The following FKBP1B variants were observed in gnomAD, a reference collection of about 807,000 sequenced individuals.
FKBP1B encodes the protein peptidyl-prolyl cis-trans isomerase FKBP1B.
FKBP1B carries 4 observed loss-of-function variants against 13.5 expected under a neutral mutation model. The observed-to-expected ratio is 0.30, with a 90% CI of 0.15 to 0.68. FKBP1B has a LOEUF of 0.68. Ranked by LOEUF, FKBP1B falls within the 30% of genes least tolerant of loss-of-function variation. FKBP1B has a pLI of 0.76. For synonymous variants in FKBP1B, 54 were observed against 53.6 expected (o/e 1.01, Z -0.03); for missense variants, 93 against 136.2 (o/e 0.68, Z 1.58).
At chr2:24,041,556 C>T in the FKBP1B span, among the ~76,000 whole-genome samples, 1 of 151,992 alleles carries the variant, frequency 6.6e-6, no homozygotes, top group African/African-American at 2.4e-5. Flanking sequence ...GGCTCATAGG[C>T]ATGAGCCACC....
the FKBP1B span, chr2:24,037,938 G>A: frequency 6.8e-6 from 11 of 1,614,084 alleles, no homozygotes; most frequent in South Asian, 1.2e-4. Flanking sequence ...ATGCTGGCTG[G>A]GTAACAGGCT....
chr2:24,038,309 C>A, the FKBP1B span: 14 of 1,614,180 alleles, frequency 8.7e-6, no homozygotes, highest in Non-Finnish European at 1.2e-5. Context: ...AATAGTTGGT[C>A]TGTCAAGAAA....
At chr2:24,044,817 TAAAAAAAAAAA>T (rs747340836), upstream of FKBP1B, among the ~76,000 whole-genome samples, 2 of 103,928 alleles carry the variant, frequency 1.9e-5, no homozygotes, top group African/African-American at 7.2e-5. Flanking sequence ...GAATTATCTT[TAAAAAAAAAAA>T]AAAAAAAAAA....
chr2:24,049,737 C>A, upstream of FKBP1B: 1 of 830,208 alleles, frequency 1.2e-6, no homozygotes, highest in Non-Finnish European at 1.6e-6. Context: ...CCTCCTCCGG[C>A]TCTGCAGTGG....
the FKBP1B span, among the ~76,000 whole-genome samples, chr2:24,044,170 C>T: frequency 4.6e-5 from 7 of 152,004 alleles, no homozygotes; most frequent in African/African-American, 7.3e-5. Flanking sequence ...TTTTAGGATA[C>T]CAAATTCTGT....
upstream of FKBP1B, among the ~76,000 whole-genome samples, chr2:24,047,699 G>T (rs1448460608): frequency 2.0e-5 from 3 of 152,130 alleles, no homozygotes; most frequent in Admixed American, 1.3e-4. Flanking sequence ...AGGAGTCCAG[G>T]AGCCCTAGGA....
the FKBP1B span, chr2:24,037,612 C>T: frequency 1.4e-6 from 2 of 1,464,860 alleles, no homozygotes; most frequent in South Asian, 2.7e-5. Flanking sequence ...CAATACGTTT[C>T]TTGCAGTACT....
At chr2:24,059,378 G>C (rs1344364716) in intron 2 of FKBP1B, among the ~76,000 whole-genome samples, 3 of 151,914 alleles carry the variant, frequency 2.0e-5, no homozygotes, top group African/African-American at 7.3e-5. Context: ...CACCTGGGGG[G>C]GGGTTCTGGT....
chr2:24,034,191 C>T, the FKBP1B span, among the ~76,000 whole-genome samples: 4 of 152,026 alleles, frequency 2.6e-5, no homozygotes, highest in East Asian at 3.9e-4. Flanking sequence ...AAGGCCAAGG[C>T]GGGTGGATCA....
chr2:24,037,724 C>T, the FKBP1B span: 1 of 1,614,130 alleles, frequency 6.2e-7, no homozygotes, highest in South Asian at 1.1e-5. Flanking sequence ...AGTGGATACA[C>T]TGAAGAGGAT....
At chr2:24,048,784 AT>A (rs1663717084), upstream of FKBP1B, among the ~76,000 whole-genome samples, 1 of 152,156 alleles carries the variant, frequency 6.6e-6, no homozygotes, top group Admixed American at 6.5e-5. Flanking sequence ...TCAAAGTAGA[AT>A]TCATTTACAT....
At chr2:24,037,494 A>C in the FKBP1B span, among the ~76,000 whole-genome samples, 1 of 152,234 alleles carries the variant, frequency 6.6e-6, no homozygotes, top group African/African-American at 2.4e-5. Flanking sequence ...ATGTGCGCCT[A>C]TCTGGTTGGC....
chr2:24,042,107 A>C, the FKBP1B span, among the ~76,000 whole-genome samples: 8 of 152,248 alleles, frequency 5.3e-5, no homozygotes, highest in African/African-American at 1.9e-4. Flanking sequence ...AGAAAGACTA[A>C]TTTTAGTATA....
intron 2 of FKBP1B, among the ~76,000 whole-genome samples, chr2:24,058,498 T>G (rs1664239299): frequency 6.6e-6 from 1 of 152,226 alleles, no homozygotes; most frequent in Non-Finnish European, 1.5e-5. Context: ...GGTTTTGGCT[T>G]AACTTGTAGC....
chr2:24,034,574 CT>C, the FKBP1B span, among the ~76,000 whole-genome samples: 89 of 137,996 alleles, frequency 6.4e-4, no homozygotes, highest in Non-Finnish European at 6.6e-4. Context: ...GGCAACAAAA[CT>C]TTTTTTTTTT....
intron 3 of FKBP1B, 46 bp downstream of exon 3, chr2:24,060,972 C>T (rs530089321): frequency 2.8e-6 from 4 of 1,421,122 alleles, no homozygotes; most frequent in East Asian, 4.6e-5. Context: ...AGTTGGGGAT[C>T]TGGGATCAGC....
the FKBP1B span, chr2:24,037,876 G>C: frequency 6.2e-7 from 1 of 1,614,038 alleles, no homozygotes; most frequent in African/African-American, 1.3e-5. Flanking sequence ...AGGCAAACGA[G>C]GAGGCTCCAG....
intron 2 of FKBP1B, 67 bp from the exon 3 acceptor site, chr2:24,060,747 T>G: frequency 8.9e-7 from 1 of 1,120,226 alleles, no homozygotes. Flanking sequence ...ATTTTAGACA[T>G]GTGGAATCTG....
At chr2:24,043,033 CA>C in the FKBP1B span, among the ~76,000 whole-genome samples, 71 of 135,032 alleles carry the variant, frequency 5.3e-4, no homozygotes, top group East Asian at 8.7e-4. Flanking sequence ...AACTCCGTCT[CA>C]AAAAAAAAAA....
Sources: gnomAD v4.1 joint callset for allele counts (sites outside exome capture counted in the v4.1 genomes callset) on GRCh38, gnomAD v4.1.1 for gene constraint, MANE v1.5 for transcripts, NCBI Gene and HGNC (gene_info 2026-07-23, HGNC 2026-07-21) for gene names.